Variants in PACS2 observed in about 807,000 individuals in gnomAD.
PACS2 encodes the protein PACS1-like protein.
Under a neutral mutation model 113.0 loss-of-function variants are expected in PACS2, and 36 were observed. That is an observed-to-expected ratio of 0.32 (90% CI 0.24 to 0.42). PACS2 has a LOEUF of 0.42. Ranked by LOEUF, PACS2 falls within the 10% of genes least tolerant of loss-of-function variation. PACS2 has a pLI of 1.00. For missense variants in PACS2, 1,015 were observed against 1,239.5 expected (o/e 0.82, Z 2.72); for synonymous variants, 589 against 536.1 (o/e 1.10, Z -1.36).
chr14:105,348,780 C>A lies in PACS2; in HGVS notation c.207+200C>A. The A allele has an allele frequency of 1.8e-6, 1 of 556,372 alleles. No homozygotes were observed. Among genetic ancestry groups the A allele is most frequent in the Non-Finnish European group, 3.2e-6 (1 of 309,552 alleles). The allele number at this position is 556,372 out of a possible 1,614,324, so 34.5% of individuals were successfully genotyped here. A position where few individuals can be genotyped will look rare whatever the true frequency, so the allele number is the denominator to read the frequency against. ...CTGTCCCGCACAAGGGAGGCAGGCC[C>A]GGCCTTCTGGGATGTGGAGGTCACA... On this transcript the variant is annotated intron_variant, in intron 2 of 24. Transcript: ENST00000447393. The surrounding 1 kb of genome is among the most constrained non-coding windows in gnomAD (Gnocchi z 6.4).
Position 105,348,466 on chromosome 14 carries a change from G to A in PACS2, c.120-27G>A, listed in dbSNP as rs587635722. 1.2e-5 allele frequency: 19 copies of A among 1,578,896 alleles called. No individual in the cohort carries two copies. Among genetic ancestry groups the A allele is most frequent in the African/African-American group, 2.7e-5 (2 of 74,408 alleles). Reference sequence around the variant, plus strand: ...CGTCCTGAGGAGAGGGCGGAGCCCCGAGGCTGAGCTGTGCCTTGCCTCACA... The same window carrying A: ...CGTCCTGAGGAGAGGGCGGAGCCCCAAGGCTGAGCTGTGCCTTGCCTCACA... On this transcript the variant is annotated intron_variant, in intron 1 of 24. Transcript: ENST00000447393. The surrounding 1 kb of genome is among the most constrained non-coding windows in gnomAD (Gnocchi z 6.4).
upstream of PACS2, among the ~76,000 whole-genome samples, chr14:105,313,648 G>A (rs764284818): frequency 3.3e-5 from 5 of 152,268 alleles, no homozygotes; most frequent in Non-Finnish European, 7.3e-5. Context: ...CGTGGGCCAG[G>A]AAAGAAACCA....
rs2058277109 is a variant in PACS2, at chr14:105,309,196, T to C, written c.-83+8217T>C. On this transcript the variant is annotated intron_variant, in intron 1 of 23. Transcript: ENST00000430725. The surrounding 1 kb of genome is among the most constrained non-coding windows in gnomAD (Gnocchi z 4.0). The stretch of plus-strand genomic sequence containing the variant: ...GTCCTGGCTTATTGTGATGATATTC[T>C]ATTGTGGGAAAGAAAGAAGTGTTAA... Among the ~76,000 whole-genome samples the C allele has an allele frequency of 6.6e-6, 1 of 152,214 alleles. No homozygotes were observed. The highest frequency in any genetic ancestry group is 2.4e-5 in the African/African-American group (1 of 41,458).
At position 105,329,851 on chromosome 14, in the gene PACS2, C is replaced by G. The variant is rs1215736115; in HGVS notation, c.119+14814C>G. On this transcript the variant is annotated intron_variant, in intron 1 of 24. Transcript: ENST00000447393. The surrounding 1 kb of genome is among the most constrained non-coding windows in gnomAD (Gnocchi z 6.4). ...GTGAGGTCTCTGCAGCGGGAGCATC[C>G]AGGCCTGGAACTCGAGCTGTGGTGT... is the stretch of plus-strand genomic sequence containing the variant. Among the ~76,000 whole-genome samples, 1 of 152,166 alleles carries G rather than the reference C, an allele frequency of 6.6e-6. No individual in the cohort carries two copies. Among genetic ancestry groups the G allele is most frequent in the African/African-American group, 2.4e-5 (1 of 41,432 alleles).
Position 105,383,506 on chromosome 14 carries a change from C to T in PACS2, c.1773C>T (p.Ile591=), listed in dbSNP as rs2081064626. The change falls in exon 16 of 25, where the codon ATC becomes ATT. Residue 591 remains isoleucine (I), a synonymous_variant. Coordinates refer to ENST00000447393, the MANE Select transcript of PACS2 (RefSeq NM_001100913.3). ...DWLGYMRFLV[I]PLGSHPVARY... is the part of the protein sequence containing the mutation. ...TCGGCTACATGCGCTTCCTGGTCAT[C>T]CCACTGGGTGAGCACCACGCCGTCC... The T allele has an allele frequency of 6.3e-7, 1 of 1,593,988 alleles. No homozygotes were observed.
chr14:105,392,675 A>G lies in PACS2; in HGVS notation c.2312A>G (p.Gln771Arg). Residue 771 changes from glutamine (Q) to arginine (R), a missense_variant, in exon 23 of 25, where the codon CAG becomes CGG. Gln to Arg is a conservative substitution (Grantham distance 43). This residue lies in a region of PACS2 where 859 missense variants were observed against 1,056.8 expected (regional missense o/e 0.81). Transcript: ENST00000447393. The part of the protein sequence containing the change: ...GLQVDYWTAA[Q>R]PADRKRDAEK... ...CAGGTGGACTACTGGACGGCAGCAC[A>G]GCCTGCGGACAGGAAGAGGGACGCC... 6.2e-7 allele frequency: 1 copy of G among 1,612,552 alleles called. No homozygotes were observed. Among genetic ancestry groups the G allele is most frequent in the South Asian group, 1.1e-5 (1 of 91,024 alleles).
chr14:105,340,214 A>G lies in PACS2; in HGVS notation c.120-8279A>G, dbSNP rs782241250. Reference sequence around the variant, plus strand: ...AACACATGCGATCGTAATGTGCTTCAGAAATGGCCTCATTCATCTGTGGGG... The same window carrying G: ...AACACATGCGATCGTAATGTGCTTCGGAAATGGCCTCATTCATCTGTGGGG... On this transcript the variant is annotated intron_variant, in intron 1 of 24. Transcript: ENST00000447393. This position sits in a 1 kb window ranked among gnomAD's most constrained non-coding sequence, Gnocchi z 4.2. Among the ~76,000 whole-genome samples, 23 of 152,260 alleles carry G rather than the reference A, an allele frequency of 1.5e-4. No individual in the cohort carries two copies. Among genetic ancestry groups the G allele is most frequent in the Non-Finnish European group, 3.2e-4 (22 of 68,042 alleles).
At chr14:105,390,308 G>A (rs1412100433) in intron 20 of PACS2, 2 of 439,624 alleles carry the variant, frequency 4.5e-6, no homozygotes, top group East Asian at 4.3e-5. Flanking sequence ...CTCAGGAGAG[G>A]AGAGACTGCC....
chr14:105,325,799 C>T (rs80322743), intron 1 of PACS2, among the ~76,000 whole-genome samples: 2,186 of 152,352 alleles, frequency 0.014, 59 homozygotes, highest in African/African-American at 0.05. Flanking sequence ...CTGGTGAGCA[C>T]GGGGAACGGC....
rs2060521748 is a variant in PACS2 at position 105,358,007 on chromosome 14, A to G, written c.423+2830A>G. On this transcript the variant is annotated intron_variant, in intron 4 of 24. Transcript: ENST00000447393. The surrounding 1 kb of genome is among the most constrained non-coding windows in gnomAD (Gnocchi z 4.9). ...CCCAGGACCTCCAGGCTGTGGGGAG[A>G]CCAGGAGGCGATGGCTGTGGGGACA... Among the ~76,000 whole-genome samples, 1 of 151,932 alleles carries G rather than the reference A, an allele frequency of 6.6e-6. No homozygotes were observed. Among genetic ancestry groups the G allele is most frequent in the Non-Finnish European group, 1.5e-5 (1 of 67,980 alleles).
chr14:105,325,125 C>T (rs1381039282), intron 1 of PACS2, among the ~76,000 whole-genome samples: 3 of 150,514 alleles, frequency 2.0e-5, no homozygotes, highest in African/African-American at 7.4e-5. Flanking sequence ...GCTGGCTCTT[C>T]GCCTGTGTCC....
rs782429503 is a variant in PACS2, at chr14:105,352,457, TCTC to T, written c.290_292del (p.Ser97del). 8.8e-6 allele frequency: 14 copies of T among 1,599,642 alleles called. No homozygotes were observed. Among genetic ancestry groups the T allele is most frequent in the East Asian group, 2.2e-5 (1 of 44,826 alleles). On this transcript the variant is annotated inframe_deletion, in exon 3 of 25. Coordinates refer to ENST00000447393, the MANE Select transcript of PACS2 (RefSeq NM_001100913.3). ...GTGGAGACAGACCTGGCCCTGACCT[TCTC>T]CTTGCAGGTGAGTCTTTCACCAGTG...
chr14:105,389,669 C>A, intron 19 of PACS2: 1 of 473,394 alleles, frequency 2.1e-6, no homozygotes, highest in South Asian at 2.5e-5. Flanking sequence ...CTCCGTGGAG[C>A]TGTGCCCTCT....
In PACS2 at chr14:105,382,067, G is replaced by A; in HGVS notation, c.1413+9G>A. On this transcript the variant is annotated intron_variant, in intron 13 of 24. Transcript: ENST00000447393. ...TACAGGTGCAGCTGCAGGTGGGGGT[G>A]GAGGGCGTGGCACGCCCAGGAGGCA... is the stretch of plus-strand genomic sequence containing the variant. 1.3e-6 allele frequency: 2 copies of A among 1,545,560 alleles called. No individual in the cohort carries two copies. Among genetic ancestry groups the A allele is most frequent in the Non-Finnish European group, 8.7e-7 (1 of 1,145,476 alleles).
Position 105,366,472 on chromosome 14 carries a change from G to A in PACS2, c.424-741G>A, listed in dbSNP as rs1287862005. ...AGGCTGTGAGTGTCTGAGAGTTGTCGTCATGGCGTGTGGTTCTGAGGCTGG... is the reference window on the plus strand; with the variant it reads ...AGGCTGTGAGTGTCTGAGAGTTGTCATCATGGCGTGTGGTTCTGAGGCTGG... On this transcript the variant is annotated intron_variant, in intron 4 of 24. Coordinates refer to ENST00000447393, the MANE Select transcript of PACS2 (RefSeq NM_001100913.3). This position sits in a 1 kb window ranked among gnomAD's most constrained non-coding sequence, Gnocchi z 4.3. Among the ~76,000 whole-genome samples the A allele has an allele frequency of 1.3e-5, 2 of 152,216 alleles. No individual in the cohort carries two copies. The highest frequency in any genetic ancestry group is 2.9e-5 in the Non-Finnish European group (2 of 68,032).
Position 105,358,821 on chromosome 14 carries a change from C to T in PACS2, c.423+3644C>T, listed in dbSNP as rs782469670. 6.6e-6 allele frequency among the ~76,000 whole-genome samples: 1 copy of T among 152,184 alleles called. No homozygotes were observed. Reference sequence around the variant, plus strand: ...CAGGAAGACCTCAGGGTAAGGACAGCGCGGGAGCGTCACCCTGACCGTTTG... The same window carrying T: ...CAGGAAGACCTCAGGGTAAGGACAGTGCGGGAGCGTCACCCTGACCGTTTG... On this transcript the variant is annotated intron_variant, in intron 4 of 24. Coordinates refer to ENST00000447393, the MANE Select transcript of PACS2 (RefSeq NM_001100913.3). This position sits in a 1 kb window ranked among gnomAD's most constrained non-coding sequence, Gnocchi z 4.9.
chr14:105,329,719 C>A lies in PACS2; in HGVS notation c.119+14682C>A, dbSNP rs866974215. Among the ~76,000 whole-genome samples the A allele has an allele frequency of 6.6e-6, 1 of 152,150 alleles. No homozygotes were observed. The highest frequency in any genetic ancestry group is 2.4e-5 in the African/African-American group (1 of 41,442). On this transcript the variant is annotated intron_variant, in intron 1 of 24. Coordinates refer to ENST00000447393, the MANE Select transcript of PACS2 (RefSeq NM_001100913.3). This position sits in a 1 kb window ranked among gnomAD's most constrained non-coding sequence, Gnocchi z 6.4. ...CTTTCCTGCGTGACTTGCAAACAGG[C>A]CTTGCAGGGCTCTAGTGTATCAGCT...
chr14:105,320,921 G>A (rs931686203), intron 1 of PACS2, among the ~76,000 whole-genome samples: 2 of 152,214 alleles, frequency 1.3e-5, no homozygotes, highest in African/African-American at 4.8e-5. Flanking sequence ...GGGAGGCTGA[G>A]GTGGGTGGAT....
In PACS2 at chr14:105,356,246, C is replaced by T. The variant is rs1375665427; in HGVS notation, c.423+1069C>T. Among the ~76,000 whole-genome samples, 1 of 152,164 alleles carries T rather than the reference C, an allele frequency of 6.6e-6. No homozygotes were observed. Among genetic ancestry groups the T allele is most frequent in the East Asian group, 1.9e-4 (1 of 5,192 alleles). On this transcript the variant is annotated intron_variant, in intron 4 of 24. Coordinates refer to ENST00000447393, the MANE Select transcript of PACS2 (RefSeq NM_001100913.3). This position sits in a 1 kb window ranked among gnomAD's most constrained non-coding sequence, Gnocchi z 4.0. ...CCAGATCCTCACACACCCCCACTTA[C>T]GCATCCAGGACAAGTGCCAAGTACT...
Sources: gnomAD v4.1 joint callset for allele counts (sites outside exome capture counted in the v4.1 genomes callset) on GRCh38, gnomAD v4.1.1 for gene constraint, gnomAD v4.1.1 regional missense constraint, Gnocchi (gnomAD v3.1) non-coding constraint, MANE v1.5 for transcripts, NCBI Gene and HGNC (gene_info 2026-07-23, HGNC 2026-07-21) for gene names.